The following TRPC4 variants were observed in gnomAD, a reference collection of about 807,000 sequenced individuals.
The protein encoded by TRPC4 is short transient receptor potential channel 4.
TRPC4 carries 49 observed loss-of-function variants against 99.4 expected under a neutral mutation model. The observed-to-expected ratio is 0.49, with a 90% CI of 0.39 to 0.63. The LOEUF is 0.63. Ranked by LOEUF, TRPC4 falls within the 20% of genes least tolerant of loss-of-function variation. The pLI is 0.00. For synonymous variants in TRPC4, 454 were observed against 425.9 expected (o/e 1.07, Z -0.81); for missense variants, 898 against 1,152.9 (o/e 0.78, Z 3.20).
At chr13:37,647,112 G>A (rs1301950250) in intron 8 of TRPC4, among the ~76,000 whole-genome samples, 1 of 152,196 alleles carries the variant, frequency 6.6e-6, no homozygotes, top group East Asian at 1.9e-4. Flanking sequence ...AGCACGATAA[G>A]ATCATCAATA....
chr13:37,685,571 G>A (rs1231377402), intron 4 of TRPC4, among the ~76,000 whole-genome samples: 2 of 151,566 alleles, frequency 1.3e-5, no homozygotes, highest in Non-Finnish European at 2.9e-5. Flanking sequence ...TACTACTATT[G>A]TTACTCTGTG....
chr13:37,768,385 C>T (rs908816872), intron 2 of TRPC4, among the ~76,000 whole-genome samples: 1 of 151,522 alleles, frequency 6.6e-6, no homozygotes, highest in Non-Finnish European at 1.5e-5. Flanking sequence ...TGTAGCAGGG[C>T]TTTCCAGGCA....
intron 4 of TRPC4, among the ~76,000 whole-genome samples, chr13:37,690,664 CTATT>C (rs1403677517): frequency 6.6e-6 from 1 of 152,186 alleles, no homozygotes. Context: ...AGAACCTACT[CTATT>C]TTAAAGTTCA....
In TRPC4 at chr13:37,635,703, T is replaced by C. The variant is rs1798464197; in HGVS notation, c.*1200A>G. Among the ~76,000 whole-genome samples, 1 of 152,154 alleles carries C rather than the reference T, an allele frequency of 6.6e-6. No individual in the cohort carries two copies. The highest frequency in any genetic ancestry group is 6.6e-5 in the Admixed American group (1 of 15,256). ...AAATTTAAGCTTTAAGTTTCTAGTA[T>C]CAATTTTATGTAAGTTGCGAACACT... On this transcript the variant is annotated 3_prime_UTR_variant, in exon 11 of 11. Transcript: ENST00000379705.
intron 1 of TRPC4, among the ~76,000 whole-genome samples, chr13:37,864,643 T>C (rs1483866036): frequency 6.6e-6 from 1 of 151,686 alleles, no homozygotes; most frequent in Non-Finnish European, 1.5e-5. Context: ...TCCTCCGGTT[T>C]TCTTTAAAAA....
intron 3 of TRPC4, among the ~76,000 whole-genome samples, chr13:37,737,452 T>A (rs1955433640): frequency 6.6e-6 from 1 of 152,032 alleles, no homozygotes; most frequent in South Asian, 2.1e-4. Flanking sequence ...TTCATAGACC[T>A]TATTTACTTA....
chr13:37,637,712 T>G, intron 10 of TRPC4, 87 bp from the exon 11 acceptor site: 1 of 1,281,294 alleles, frequency 7.8e-7, no homozygotes, highest in Non-Finnish European at 1.1e-6. Context: ...GTCAGAAATG[T>G]TTTCACTCCT....
rs566524580 is a variant in TRPC4, at chr13:37,812,570, A to G, written c.-27-29210T>C. On this transcript the variant is annotated intron_variant, in intron 1 of 10. Transcript: ENST00000379705. ...TTACTGAGCCTAAAGACATAGCAATAGAAAGTATCCAAATGGAACACATGA... is the reference window on the plus strand; with the variant it reads ...TTACTGAGCCTAAAGACATAGCAATGGAAAGTATCCAAATGGAACACATGA... Among the ~76,000 whole-genome samples, 238 of 152,234 alleles carry G rather than the reference A, an allele frequency of 1.6e-3. 1 individual carries two copies. The highest frequency in any genetic ancestry group is 6.8e-3 in the Middle Eastern group (2 of 294).
intron 1 of TRPC4, among the ~76,000 whole-genome samples, chr13:37,867,280 G>A (rs1445930329): frequency 6.6e-6 from 1 of 151,862 alleles, no homozygotes; most frequent in Non-Finnish European, 1.5e-5. Flanking sequence ...TTGAACAAAT[G>A]TGTGCATATT....
intron 2 of TRPC4, among the ~76,000 whole-genome samples, chr13:37,765,408 C>T (rs1176131724): frequency 6.6e-6 from 1 of 151,364 alleles, no homozygotes; most frequent in Non-Finnish European, 1.5e-5. Flanking sequence ...ATTTAATGTT[C>T]ATCAATATGT....
At chr13:37,859,785 A>C (rs2139711722) in intron 1 of TRPC4, among the ~76,000 whole-genome samples, 2 of 151,584 alleles carry the variant, frequency 1.3e-5, no homozygotes, top group Middle Eastern at 6.8e-3. Context: ...AATAGATGTC[A>C]TCTAGAAAAA....
chr13:37,779,301 A>G (rs1956779628), intron 2 of TRPC4, among the ~76,000 whole-genome samples: 1 of 152,040 alleles, frequency 6.6e-6, no homozygotes, highest in Non-Finnish European at 1.5e-5. Context: ...CAAGAAGGTT[A>G]AAGCCAAGTT....
At chr13:37,811,602 G>A (rs1019366862) in intron 1 of TRPC4, among the ~76,000 whole-genome samples, 1 of 152,102 alleles carries the variant, frequency 6.6e-6, no homozygotes, top group Non-Finnish European at 1.5e-5. Context: ...TTCTTAGAAT[G>A]TTCTCGTCTA....
At chr13:37,850,781 C>G (rs1411282807) in intron 1 of TRPC4, among the ~76,000 whole-genome samples, 1 of 152,080 alleles carries the variant, frequency 6.6e-6, no homozygotes, top group Non-Finnish European at 1.5e-5. Flanking sequence ...GCAGAGCTAG[C>G]TAGGACTTGT....
At chr13:37,639,601 C>T (rs11843893) in intron 8 of TRPC4, among the ~76,000 whole-genome samples, 33,929 of 151,564 alleles carry the variant, frequency 0.22, 4,200 homozygotes, top group Non-Finnish European at 0.28. Flanking sequence ...TCAACATTGA[C>T]GGAATGATGC....
chr13:37,850,678 G>T (rs978054732), intron 1 of TRPC4, among the ~76,000 whole-genome samples: 8 of 152,060 alleles, frequency 5.3e-5, no homozygotes, highest in Non-Finnish European at 1.2e-4. Flanking sequence ...TAAATTATAT[G>T]TAGTGAATTA....
At position 37,706,445 on chromosome 13, in the gene TRPC4, C is replaced by A. The variant is rs114703261; in HGVS notation, c.898-14110G>T. ...TGAGGGTAGGGTAAGAAGGCTGCCT[C>A]AGTCCAGGTTAGAAGTCAGTGCTTA... On this transcript the variant is annotated intron_variant, in intron 3 of 10. Transcript: ENST00000379705. Among the ~76,000 whole-genome samples, 1,410 of 152,214 alleles carry A rather than the reference C, an allele frequency of 9.3e-3. 34 individuals are homozygous for A. Among genetic ancestry groups the A allele is most frequent in the African/African-American group, 0.033 (1,356 of 41,550 alleles).
chr13:37,656,214 G>T (rs1172326388), intron 6 of TRPC4, among the ~76,000 whole-genome samples: 1 of 152,056 alleles, frequency 6.6e-6, no homozygotes, highest in Non-Finnish European at 1.5e-5. Flanking sequence ...TTGTTTCAAA[G>T]GGACCATAAT....
intron 4 of TRPC4, among the ~76,000 whole-genome samples, chr13:37,689,043 A>C (rs1178375201): frequency 6.6e-6 from 1 of 152,160 alleles, no homozygotes; most frequent in Admixed American, 6.5e-5. Context: ...CTTCTGGTTA[A>C]AGATTAACGC....
Sources: allele counts gnomAD v4.1 joint callset (sites outside exome capture counted in the v4.1 genomes callset), GRCh38; gene constraint gnomAD v4.1.1; transcripts MANE v1.5; gene names NCBI Gene and HGNC (gene_info 2026-07-23, HGNC 2026-07-21).